Variants in DDR2 observed in about 807,000 individuals in gnomAD.
The protein encoded by DDR2 is discoidin domain receptor tyrosine kinase 2.
In DDR2, 27 loss-of-function variants were observed where a neutral mutation model predicts 94.9. That is an observed-to-expected ratio of 0.28 (90% CI 0.21 to 0.39). DDR2 has a LOEUF of 0.39. Ranked by LOEUF, DDR2 falls within the 10% of genes least tolerant of loss-of-function variation. The probability of loss-of-function intolerance (pLI) is 1.00; values close to 1 mark genes in which losing one functional copy is unlikely to be tolerated. For missense variants in DDR2, 783 were observed against 1,076.0 expected (o/e 0.73, Z 3.81); for synonymous variants, 382 against 377.2 (o/e 1.01, Z -0.15).
At chr1:162,775,557 A>G in intron 14 of DDR2, 95 bp from the exon 15 acceptor site, 1 of 1,357,938 alleles carries the variant, frequency 7.4e-7, no homozygotes, top group Non-Finnish European at 1.0e-6. Context: ...AAGATTTGGC[A>G]TAATGTCCAG....
At chr1:162,680,449 T>C (rs1374452537) in intron 2 of DDR2, among the ~76,000 whole-genome samples, 2 of 152,364 alleles carry the variant, frequency 1.3e-5, no homozygotes, top group East Asian at 3.9e-4. Context: ...GTTGTAAGTA[T>C]GCAGCATTAT....
At chr1:162,665,442 C>G (rs929211354) in intron 2 of DDR2, among the ~76,000 whole-genome samples, 1 of 152,120 alleles carries the variant, frequency 6.6e-6, no homozygotes, top group Non-Finnish European at 1.5e-5. Context: ...CTCAGGTTCC[C>G]ACTGCATCTT....
At chr1:162,666,972 C>A (rs1015992974) in intron 2 of DDR2, among the ~76,000 whole-genome samples, 2 of 149,642 alleles carry the variant, frequency 1.3e-5, no homozygotes, top group African/African-American at 2.4e-5. Context: ...ATATATATAT[C>A]TCCATGCAAC....
chr1:162,661,715 A>ACTCTG (rs1658303353), intron 2 of DDR2, among the ~76,000 whole-genome samples: 1 of 152,124 alleles, frequency 6.6e-6, no homozygotes, highest in Non-Finnish European at 1.5e-5. Context: ...GGATGTGGGC[A>ACTCTG]CTCTGCTCTG....
intron 3 of DDR2, 129 bp downstream of exon 3, chr1:162,719,274 G>T: frequency 6.6e-7 from 1 of 1,516,242 alleles, no homozygotes; most frequent in Non-Finnish European, 8.9e-7. Context: ...TCTCCATGGT[G>T]AAATATGACT....
chr1:162,681,901 T>A (rs1289960914), intron 2 of DDR2, among the ~76,000 whole-genome samples: 1 of 152,234 alleles, frequency 6.6e-6, no homozygotes, highest in Non-Finnish European at 1.5e-5. Flanking sequence ...CCATTAATTG[T>A]GTATAGACTT....
intron 2 of DDR2, among the ~76,000 whole-genome samples, chr1:162,672,449 A>G (rs1161792715): frequency 7.9e-6 from 1 of 126,678 alleles, no homozygotes; most frequent in Non-Finnish European, 1.8e-5. Context: ...TAGTGCACAA[A>G]TTAGTGCCTG....
intron 3 of DDR2, among the ~76,000 whole-genome samples, chr1:162,751,223 G>T (rs1392419295): frequency 3.3e-5 from 5 of 152,052 alleles, no homozygotes; most frequent in African/African-American, 9.7e-5. Context: ...TACAGAATAG[G>T]AGAAAATTTT....
At chr1:162,697,208 C>A (rs998722419) in intron 2 of DDR2, among the ~76,000 whole-genome samples, 2 of 151,706 alleles carry the variant, frequency 1.3e-5, no homozygotes, top group South Asian at 2.1e-4. Context: ...GGTTAGAGTG[C>A]GTCTTTCTTA....
chr1:162,650,992 G>A (rs1472423126), intron 1 of DDR2, among the ~76,000 whole-genome samples: 1 of 152,154 alleles, frequency 6.6e-6, no homozygotes, highest in Non-Finnish European at 1.5e-5. Flanking sequence ...GCCTCCCAAA[G>A]TGCTGGGATT....
At chr1:162,759,696 C>T in intron 7 of DDR2, 100 bp from the exon 8 acceptor site, 1 of 1,383,978 alleles carries the variant, frequency 7.2e-7, no homozygotes, top group Non-Finnish European at 1.0e-6. Flanking sequence ...TAAGCTCATA[C>T]AAAATCTGGA....
At chr1:162,755,835 G>A (rs1663438403) in intron 7 of DDR2, 66 bp downstream of exon 7, 9 of 1,335,020 alleles carry the variant, frequency 6.7e-6, no homozygotes, top group Non-Finnish European at 9.7e-6. Context: ...ATTTTATCAT[G>A]TCTTGGGATC....
chr1:162,741,290 A>C (rs1296399630), intron 3 of DDR2, among the ~76,000 whole-genome samples: 2 of 131,858 alleles, frequency 1.5e-5, no homozygotes, highest in Admixed American at 7.6e-5. Flanking sequence ...AATATAATAT[A>C]ATATAATATA....
At chr1:162,672,064 A>G (rs979293022) in intron 2 of DDR2, among the ~76,000 whole-genome samples, 16 of 152,196 alleles carry the variant, frequency 1.1e-4, no homozygotes, top group Admixed American at 7.2e-4. Context: ...ACCAGAGCAC[A>G]TACTCTTGAT....
At chr1:162,652,895 A>G (rs1204816499) in intron 1 of DDR2, among the ~76,000 whole-genome samples, 2 of 151,990 alleles carry the variant, frequency 1.3e-5, no homozygotes, top group Admixed American at 6.6e-5. Flanking sequence ...GCTTGAACTC[A>G]GGAGTTAGAG....
chr1:162,717,225 G>A (rs377300113), intron 2 of DDR2, among the ~76,000 whole-genome samples: 1 of 151,986 alleles, frequency 6.6e-6, no homozygotes. Context: ...TAACAGAGAC[G>A]GGGTTTCACC....
At position 162,690,217 on chromosome 1, in the gene DDR2, T is replaced by G. The variant is rs908386678; in HGVS notation, c.-27-28820T>G. Among the ~76,000 whole-genome samples the G allele has an allele frequency of 2.8e-4, 42 of 152,188 alleles. 1 individual carries two copies. The highest frequency in any genetic ancestry group is 3.4e-3 in the Middle Eastern group (1 of 294). On this transcript the variant is annotated intron_variant, in intron 2 of 17. Transcript: ENST00000367921. The stretch of plus-strand genomic sequence containing the variant: ...ATTCCCATTTTATGGAAGAAGGAAA[T>G]GAGGTTCACGAATATTACATAATCT...
intron 2 of DDR2, among the ~76,000 whole-genome samples, chr1:162,685,722 T>C (rs75031671): frequency 0.043 from 6,494 of 152,188 alleles, 211 homozygotes; most frequent in East Asian, 0.14. Context: ...AATGCAAGTC[T>C]TTATTAAGTA....
rs181113155 is a variant in DDR2 at position 162,748,447 on chromosome 1, C to T, written c.83-4648C>T. ...AAAGGGATCAATTCAACAAGAAGAG[C>T]TAACTATCCTAAATATATATGCACC... On this transcript the variant is annotated intron_variant, in intron 3 of 17. Transcript: ENST00000367921. Among the ~76,000 whole-genome samples the T allele has an allele frequency of 2.1e-3, 323 of 152,314 alleles. 4 individuals carry two copies. The South Asian group carries it at 0.022, about 11-fold the overall frequency.
Sources: gnomAD v4.1 joint callset for allele counts (sites outside exome capture counted in the v4.1 genomes callset) on GRCh38, gnomAD v4.1.1 for gene constraint, MANE v1.5 for transcripts, NCBI Gene and HGNC (gene_info 2026-07-23, HGNC 2026-07-21) for gene names.